The following DCC variants were observed in gnomAD, a reference collection of about 807,000 sequenced individuals.
DCC encodes the protein netrin receptor DCC.
Under a neutral mutation model 172.5 loss-of-function variants are expected in DCC, and 58 were observed. The observed-to-expected ratio is 0.34, with a 90% CI of 0.27 to 0.42. The LOEUF (loss-of-function observed/expected upper bound fraction) is 0.42. Ranked by LOEUF, DCC falls within the 10% of genes least tolerant of loss-of-function variation. The pLI, the probability that DCC is intolerant of heterozygous loss-of-function variation, is 1.00. For missense variants in DCC, 1,740 were observed against 1,791.0 expected, an observed-to-expected ratio of 0.97 and a Z score of 0.51; for synonymous variants, 709 against 644.5, an observed-to-expected ratio of 1.10 and a Z score of -1.52.
intron 1 of DCC, among the ~76,000 whole-genome samples, chr18:52,603,749 AT>A (rs2034066892): frequency 6.6e-6 from 1 of 151,688 alleles, no homozygotes; most frequent in Admixed American, 6.6e-5. Context: ...TGAAGAGAGA[AT>A]TTTTTTGATT....
At chr18:53,471,680 C>G (rs1449583633) in intron 25 of DCC, among the ~76,000 whole-genome samples, 1 of 152,108 alleles carries the variant, frequency 6.6e-6, no homozygotes, top group East Asian at 1.9e-4. Context: ...TATCTCAGTT[C>G]AGGGACTCTG....
At chr18:53,107,735 C>T (rs930259110) in intron 7 of DCC, among the ~76,000 whole-genome samples, 3 of 151,710 alleles carry the variant, frequency 2.0e-5, no homozygotes, top group Non-Finnish European at 2.9e-5. Context: ...CTTTCTGCCT[C>T]GTGATGCTGT....
intron 11 of DCC, among the ~76,000 whole-genome samples, chr18:53,211,169 G>A (rs1383739822): frequency 6.6e-6 from 1 of 151,954 alleles, no homozygotes; most frequent in African/African-American, 2.4e-5. Flanking sequence ...TTATTTTTAT[G>A]AATGTTATTA....
At chr18:52,388,184 G>T (rs1985891576) in intron 1 of DCC, among the ~76,000 whole-genome samples, 1 of 152,006 alleles carries the variant, frequency 6.6e-6, no homozygotes, top group Non-Finnish European at 1.5e-5. Context: ...TGTTAGGTGT[G>T]ACGTTCAACT....
intron 7 of DCC, among the ~76,000 whole-genome samples, chr18:53,101,701 T>C (rs529236188): frequency 6.0e-4 from 92 of 152,190 alleles, no homozygotes; most frequent in Middle Eastern, 3.4e-3. Context: ...GGATAAAATA[T>C]GGAGTCTTGA....
intron 5 of DCC, among the ~76,000 whole-genome samples, chr18:52,947,400 G>A (rs2040565167): frequency 6.6e-6 from 1 of 152,044 alleles, no homozygotes. Flanking sequence ...AGACCAGTTT[G>A]GCATCAGATT....
Position 53,320,181 on chromosome 18 carries a change from T to C in DCC, c.2054-1866T>C, listed in dbSNP as rs557079570. 1.5e-4 allele frequency among the ~76,000 whole-genome samples: 23 copies of C among 150,014 alleles called. 1 individual carries two copies. The East Asian group carries it at 4.6e-3, about 30-fold the overall frequency. ...TCTGCCTCCCGGGTCCATGCCATTC[T>C]CCTGCCTCAGCCTCCCGAGTAGCTG... On this transcript the variant is annotated intron_variant, in intron 13 of 28. Coordinates refer to ENST00000442544, the MANE Select transcript of DCC (RefSeq NM_005215.4).
intron 7 of DCC, among the ~76,000 whole-genome samples, chr18:53,136,245 A>G (rs1036438234): frequency 6.6e-6 from 1 of 151,942 alleles, no homozygotes; most frequent in African/African-American, 2.4e-5. Flanking sequence ...ATACATGCAT[A>G]TATACACACA....
chr18:52,376,070 C>A (rs958919311), intron 1 of DCC, among the ~76,000 whole-genome samples: 1 of 152,184 alleles, frequency 6.6e-6, no homozygotes, highest in African/African-American at 2.4e-5. Context: ...GGGGAAAGTT[C>A]TCTTTCTTGT....
intron 2 of DCC, among the ~76,000 whole-genome samples, chr18:52,899,280 G>A (rs1049765000): frequency 6.6e-6 from 1 of 151,368 alleles, no homozygotes; most frequent in Admixed American, 6.6e-5. Flanking sequence ...TTCCTGAGTA[G>A]CTGGGACTAC....
chr18:53,399,345 C>A (rs1909157747), intron 18 of DCC, among the ~76,000 whole-genome samples: 1 of 152,056 alleles, frequency 6.6e-6, no homozygotes, highest in South Asian at 2.1e-4. Context: ...CAGGTGATCA[C>A]ACAGCTAAGG....
chr18:53,475,037 T>C (rs1437559829), intron 25 of DCC, among the ~76,000 whole-genome samples: 1 of 130,024 alleles, frequency 7.7e-6, no homozygotes, highest in Non-Finnish European at 1.7e-5. Flanking sequence ...GCAAAGAGAC[T>C]GGGGGCATTT....
chr18:52,439,226 A>T (rs1413160236), intron 1 of DCC, among the ~76,000 whole-genome samples: 1 of 138,002 alleles, frequency 7.2e-6, no homozygotes, highest in Non-Finnish European at 1.5e-5. Context: ...TGGTTTCCCT[A>T]ATCACAGAAA....
intron 7 of DCC, among the ~76,000 whole-genome samples, chr18:53,069,827 A>G (rs1199405433): frequency 5.3e-5 from 8 of 151,918 alleles, no homozygotes; most frequent in East Asian, 1.9e-4. Context: ...CCTATTTACA[A>G]TCTACACTTG....
chr18:52,439,333 C>T (rs558208639), intron 1 of DCC, among the ~76,000 whole-genome samples: 29 of 151,938 alleles, frequency 1.9e-4, no homozygotes, highest in African/African-American at 6.8e-4. Flanking sequence ...AGTATACTAC[C>T]CACACTGCAG....
chr18:52,906,486 A>C (rs1266360067), intron 3 of DCC, among the ~76,000 whole-genome samples, 158 bp downstream of exon 3: 5 of 146,962 alleles, frequency 3.4e-5, no homozygotes, highest in African/African-American at 1.2e-4. Flanking sequence ...GCATTCAATC[A>C]GGTTGTACCA....
intron 2 of DCC, among the ~76,000 whole-genome samples, chr18:52,758,316 T>C (rs191006678): frequency 3.3e-5 from 5 of 152,314 alleles, no homozygotes; most frequent in Non-Finnish European, 1.5e-5. Context: ...GAAGTTTGCA[T>C]ATTTTTTTTC....
At chr18:53,271,007 A>G (rs1362757223) in intron 12 of DCC, among the ~76,000 whole-genome samples, 1 of 152,164 alleles carries the variant, frequency 6.6e-6, no homozygotes, top group Non-Finnish European at 1.5e-5. Flanking sequence ...TTCAATAACT[A>G]CCACAATGGA....
chr18:52,923,935 T>C, intron 4 of DCC, 78 bp downstream of exon 4: 1 of 1,041,528 alleles, frequency 9.6e-7, no homozygotes, highest in Non-Finnish European at 1.5e-6. Flanking sequence ...TCTAATTTGA[T>C]ATAAGTACCT....
Sources: gnomAD v4.1 joint callset for allele counts (sites outside exome capture counted in the v4.1 genomes callset) on GRCh38, gnomAD v4.1.1 for gene constraint, MANE v1.5 for transcripts, NCBI Gene and HGNC (gene_info 2026-07-23, HGNC 2026-07-21) for gene names.